The following ZNF385D variants were observed in gnomAD, a reference collection of about 807,000 sequenced individuals.
The protein encoded by ZNF385D is zinc finger protein 659.
Under a neutral mutation model 35.8 loss-of-function variants are expected in ZNF385D, and 15 were observed. The ratio of observed to expected loss-of-function variants is 0.42; its 90% CI spans 0.28 to 0.64. The LOEUF (loss-of-function observed/expected upper bound fraction) is 0.64, where lower values mean the gene tolerates loss of function less well. ZNF385D is among the 30% of genes least tolerant of loss of function. The probability of loss-of-function intolerance (pLI) is 0.23; values close to 1 mark genes in which losing one functional copy is unlikely to be tolerated. For missense variants in ZNF385D, 474 were observed against 494.6 expected (o/e 0.96, Z 0.39); for synonymous variants, 212 against 186.8 (o/e 1.13, Z -1.10).
At chr3:21,589,168 A>T (rs568245146) in intron 2 of ZNF385D, among the ~76,000 whole-genome samples, 60 of 152,302 alleles carry the variant, frequency 3.9e-4, no homozygotes, top group African/African-American at 1.4e-3. Flanking sequence ...ATAAATGGCC[A>T]TATGTGGCCT....
At chr3:21,931,192 T>C (rs1031627178) in intron 3 of ZNF385D, among the ~76,000 whole-genome samples, 1 of 152,190 alleles carries the variant, frequency 6.6e-6, no homozygotes, top group African/African-American at 2.4e-5. Flanking sequence ...ACCTGAAGAA[T>C]GCTCAGTATC....
chr3:22,109,179 C>G (rs894659282), intron 3 of ZNF385D, among the ~76,000 whole-genome samples: 1 of 152,158 alleles, frequency 6.6e-6, no homozygotes, highest in African/African-American at 2.4e-5. Context: ...TAACTAAAAT[C>G]AACTCTTGCT....
intron 3 of ZNF385D, among the ~76,000 whole-genome samples, chr3:21,916,604 T>C (rs917586152): frequency 3.3e-5 from 5 of 152,228 alleles, no homozygotes; most frequent in African/African-American, 1.2e-4. Flanking sequence ...GTATAGCCTA[T>C]AAGCGAAGTG....
intron 3 of ZNF385D, among the ~76,000 whole-genome samples, chr3:22,135,240 A>G (rs1704035861): frequency 1.3e-5 from 2 of 152,144 alleles, no homozygotes; most frequent in African/African-American, 4.8e-5. Flanking sequence ...CAAAGAATGT[A>G]CAAGAAAGCT....
chr3:21,819,668 TTATA>T (rs1487701311), intron 3 of ZNF385D, among the ~76,000 whole-genome samples: 7 of 146,756 alleles, frequency 4.8e-5, no homozygotes, highest in Non-Finnish European at 7.5e-5. Flanking sequence ...TGTGTATTAA[TTATA>T]TATAATTATC....
chr3:21,461,983 G>C (rs1364542097), intron 4 of ZNF385D, among the ~76,000 whole-genome samples: 4 of 152,170 alleles, frequency 2.6e-5, no homozygotes, highest in African/African-American at 4.8e-5. Flanking sequence ...AAAGTATATA[G>C]CTAATATATA....
rs2068252454 is a variant in ZNF385D at position 21,714,911 on chromosome 3, TGAACG to T, written c.22+35979_22+35983del. ...AAAATGGTTACTAAAATGTAACAGA[TGAACG>T]TATACATCATCTCACATAGTTACCC... On this transcript the variant is annotated intron_variant, in intron 1 of 7. Transcript: ENST00000281523. Among the ~76,000 whole-genome samples, 18 of 152,326 alleles carry T rather than the reference TGAACG, an allele frequency of 1.2e-4. No individual in the cohort carries two copies. The South Asian group carries it at 3.1e-3, about 26-fold the overall frequency.
intron 2 of ZNF385D, among the ~76,000 whole-genome samples, chr3:22,289,056 G>A (rs574053065): frequency 6.6e-6 from 1 of 152,260 alleles, no homozygotes; most frequent in South Asian, 2.1e-4. Flanking sequence ...TTAGATGTTT[G>A]TTCTAGTTTC....
intron 2 of ZNF385D, among the ~76,000 whole-genome samples, chr3:21,588,799 A>G (rs1006309767): frequency 9.9e-5 from 15 of 152,148 alleles, no homozygotes; most frequent in Non-Finnish European, 1.2e-4. Context: ...ATCAAGCCTT[A>G]TTTTACAGCT....
intron 3 of ZNF385D, among the ~76,000 whole-genome samples, chr3:22,019,635 G>A (rs901550223): frequency 3.3e-5 from 5 of 151,744 alleles, no homozygotes; most frequent in Non-Finnish European, 2.9e-5. Context: ...GATTTCTTAG[G>A]TGTCTAATAC....
intron 2 of ZNF385D, among the ~76,000 whole-genome samples, chr3:21,654,115 T>C (rs904790044): frequency 5.3e-5 from 8 of 152,024 alleles, no homozygotes; most frequent in Non-Finnish European, 1.2e-4. Context: ...AAAACTTGAA[T>C]ATAGAAATTA....
intron 2 of ZNF385D, among the ~76,000 whole-genome samples, chr3:22,363,244 G>C (rs906366599): frequency 1.3e-5 from 2 of 152,046 alleles, no homozygotes; most frequent in African/African-American, 4.8e-5. Context: ...TCCCCAAAGA[G>C]TCAAGCAGAC....
chr3:21,529,217 T>C (rs2061861453), intron 3 of ZNF385D, among the ~76,000 whole-genome samples: 9 of 152,130 alleles, frequency 5.9e-5, no homozygotes. Flanking sequence ...TGGGGTTTTC[T>C]TACCATTGCA....
chr3:21,768,818 A>G (rs2070948555), intron 3 of ZNF385D, among the ~76,000 whole-genome samples: 1 of 151,854 alleles, frequency 6.6e-6, no homozygotes, highest in South Asian at 2.1e-4. Flanking sequence ...CCCCATCCCC[A>G]GTTGAAATAA....
At chr3:22,187,844 A>G (rs1298651134) in intron 2 of ZNF385D, among the ~76,000 whole-genome samples, 4 of 152,150 alleles carry the variant, frequency 2.6e-5, no homozygotes, top group Non-Finnish European at 5.9e-5. Flanking sequence ...ACACTGAGAG[A>G]CTATCTTTCC....
chr3:21,454,990 T>G (rs1295839980), intron 4 of ZNF385D, among the ~76,000 whole-genome samples: 1 of 152,102 alleles, frequency 6.6e-6, no homozygotes, highest in Non-Finnish European at 1.5e-5. Context: ...TCACAATTGC[T>G]TCAAAGAGAA....
intron 3 of ZNF385D, among the ~76,000 whole-genome samples, chr3:22,079,359 A>T (rs566758827): frequency 1.3e-5 from 2 of 152,156 alleles, no homozygotes; most frequent in South Asian, 4.1e-4. Flanking sequence ...AATAAATTAC[A>T]TGATTACAAC....
chr3:21,588,247 A>T (rs961822764), intron 2 of ZNF385D, among the ~76,000 whole-genome samples: 1 of 152,172 alleles, frequency 6.6e-6, no homozygotes, highest in Non-Finnish European at 1.5e-5. Flanking sequence ...TAGTGGGAGA[A>T]AAGTTACAAG....
intron 1 of ZNF385D, among the ~76,000 whole-genome samples, chr3:21,670,408 T>C (rs1009772117): frequency 6.6e-6 from 1 of 151,910 alleles, no homozygotes; most frequent in Admixed American, 6.6e-5. Context: ...TTGTATAATA[T>C]TAGATCCTAA....
Sources: allele counts gnomAD v4.1 joint callset (sites outside exome capture counted in the v4.1 genomes callset), GRCh38; gene constraint gnomAD v4.1.1; transcripts MANE v1.5; gene names NCBI Gene and HGNC (gene_info 2026-07-23, HGNC 2026-07-21).